MAP2: variants seen among roughly 807,000 people sequenced by gnomAD.
MAP2 encodes microtubule-associated protein 2.
A neutral mutation model predicts 137.6 loss-of-function variants in MAP2; 14 were observed. That is an observed-to-expected ratio of 0.10 (90% CI 0.07 to 0.16). The LOEUF (loss-of-function observed/expected upper bound fraction) is 0.16. MAP2 is among the 10% of genes least tolerant of loss of function. The probability of loss-of-function intolerance (pLI) is 1.00; values close to 1 mark genes in which losing one functional copy is unlikely to be tolerated. For missense variants in MAP2, 2,088 were observed against 2,191.5 expected, an observed-to-expected ratio of 0.95 and a Z score of 0.94; for synonymous variants, 786 against 782.3, an observed-to-expected ratio of 1.00 and a Z score of -0.08.
At chr2:209,438,049 A>G (rs978509109) in intron 1 of MAP2, among the ~76,000 whole-genome samples, 2 of 151,636 alleles carry the variant, frequency 1.3e-5, no homozygotes, top group Admixed American at 1.3e-4. Flanking sequence ...TACAATAGGC[A>G]TGAGACTGTA....
At chr2:209,678,900 T>C (rs890254655) in intron 6 of MAP2, among the ~76,000 whole-genome samples, 2 of 152,090 alleles carry the variant, frequency 1.3e-5, no homozygotes, top group African/African-American at 4.8e-5. Flanking sequence ...GGTGGTGAGC[T>C]TACAGTTAGA....
intron 2 of MAP2, among the ~76,000 whole-genome samples, chr2:209,552,291 C>G (rs1173729956): frequency 6.6e-6 from 1 of 152,066 alleles, no homozygotes; most frequent in Non-Finnish European, 1.5e-5. Flanking sequence ...ACAAAAATGT[C>G]TCACAGGGCA....
chr2:209,723,313 A>T (rs1435697967), intron 13 of MAP2, among the ~76,000 whole-genome samples: 1 of 152,140 alleles, frequency 6.6e-6, no homozygotes, highest in Non-Finnish European at 1.5e-5. Flanking sequence ...ATCACAGATG[A>T]CTCAAGTTTT....
Position 209,693,526 on chromosome 2 carries a change from CAAA to C in MAP2, c.1357_1359del (p.Lys453del), listed in dbSNP as rs1340501713. ...TTGAAGAAAAAACCACCATTTCTGA[CAAA>C]GAAGCTGTGCCAAAAGAGAGTAAAC... On this transcript the variant is annotated inframe_deletion, in exon 8 of 16. Transcript: ENST00000682079. The C allele has an allele frequency of 3.7e-6, 6 of 1,610,314 alleles. No individual in the cohort carries two copies. Among genetic ancestry groups the C allele is most frequent in the South Asian group, 1.1e-5 (1 of 90,140 alleles).
chr2:209,657,057 C>T (rs1275793555), intron 5 of MAP2, among the ~76,000 whole-genome samples: 1 of 152,206 alleles, frequency 6.6e-6, no homozygotes, highest in Admixed American at 6.5e-5. Context: ...AGTTATTTCA[C>T]TTAAGATAAT....
intron 3 of MAP2, among the ~76,000 whole-genome samples, chr2:209,617,598 G>A (rs1197443800): frequency 1.3e-5 from 2 of 152,140 alleles, no homozygotes; most frequent in Non-Finnish European, 2.9e-5. Flanking sequence ...GAGACTCTTT[G>A]CTTCTTTGTG....
rs2076024904 is a variant in MAP2 at position 209,733,418 on chromosome 2, A to C, written c.*3021A>C. On this transcript the variant is annotated 3_prime_UTR_variant, in exon 16 of 16. Coordinates refer to ENST00000682079, the MANE Select transcript of MAP2 (RefSeq NM_001375505.1). Reference sequence around the variant, plus strand: ...ACGGCTGGAGAAGGCTGAAGAGAGAATGCCATTAAATGGAAGAATGTACTG... The same window carrying C: ...ACGGCTGGAGAAGGCTGAAGAGAGACTGCCATTAAATGGAAGAATGTACTG... 6.6e-6 allele frequency: 1 copy of C among 151,662 alleles called. No homozygotes were observed. The highest frequency in any genetic ancestry group is 2.1e-4 in the South Asian group (1 of 4,758). The allele number at this position is 151,662 out of a possible 1,614,324, so 9.4% of individuals were successfully genotyped here. A position where few individuals can be genotyped will look rare whatever the true frequency, so the allele number is the denominator to read the frequency against.
At chr2:209,445,764 A>G (rs1030096480) in intron 1 of MAP2, among the ~76,000 whole-genome samples, 33 of 151,752 alleles carry the variant, frequency 2.2e-4, no homozygotes. Flanking sequence ...AAAATTACTC[A>G]TAATAGCAAT....
At chr2:209,592,461 G>A (rs894306390) in intron 3 of MAP2, among the ~76,000 whole-genome samples, 10 of 151,960 alleles carry the variant, frequency 6.6e-5, no homozygotes, top group South Asian at 2.1e-4. Flanking sequence ...CTTGTGAAAG[G>A]CATTTATTCA....
intron 2 of MAP2, among the ~76,000 whole-genome samples, chr2:209,563,739 C>T (rs929669862): frequency 6.6e-6 from 1 of 152,218 alleles, no homozygotes; most frequent in African/African-American, 2.4e-5. Context: ...GTTTTGGTCT[C>T]AACCAAGATA....
chr2:209,721,148 T>C (rs771106020), intron 13 of MAP2, among the ~76,000 whole-genome samples: 1 of 152,222 alleles, frequency 6.6e-6, no homozygotes, highest in East Asian at 1.9e-4. Flanking sequence ...TCACGCGGAA[T>C]AGGCGAACAT....
chr2:209,511,527 T>G (rs535406672), intron 2 of MAP2, among the ~76,000 whole-genome samples: 3 of 152,310 alleles, frequency 2.0e-5, no homozygotes, highest in Non-Finnish European at 4.4e-5. Context: ...GAAATTAGAT[T>G]AATTCATGCT....
At chr2:209,450,737 G>C (rs985101925) in intron 1 of MAP2, among the ~76,000 whole-genome samples, 1 of 152,054 alleles carries the variant, frequency 6.6e-6, no homozygotes, top group African/African-American at 2.4e-5. Flanking sequence ...AAGGACTGTA[G>C]CTCATTGGAA....
intron 2 of MAP2, among the ~76,000 whole-genome samples, chr2:209,575,083 C>A (rs183337830): frequency 6.6e-6 from 1 of 152,136 alleles, no homozygotes; most frequent in Non-Finnish European, 1.5e-5. Flanking sequence ...CATGATTTAT[C>A]AAACAAACTC....
At chr2:209,611,721 A>G (rs1317755997) in intron 3 of MAP2, among the ~76,000 whole-genome samples, 2 of 152,058 alleles carry the variant, frequency 1.3e-5, no homozygotes, top group African/African-American at 4.8e-5. Context: ...CATGATCATC[A>G]ACAAAGTTAA....
At chr2:209,550,837 A>C (rs1218894382) in intron 2 of MAP2, among the ~76,000 whole-genome samples, 1 of 152,198 alleles carries the variant, frequency 6.6e-6, no homozygotes, top group Non-Finnish European at 1.5e-5. Flanking sequence ...TTAAGTAATT[A>C]AAACTTCTCA....
intron 11 of MAP2, among the ~76,000 whole-genome samples, chr2:209,703,667 G>A (rs1284691522): frequency 2.0e-5 from 3 of 151,962 alleles, no homozygotes; most frequent in African/African-American, 7.2e-5. Flanking sequence ...TCTATATTAA[G>A]GCTTATTGTA....
Position 209,705,601 on chromosome 2 carries a change from G to A in MAP2, c.4606G>A (p.Glu1536Lys). The change falls in exon 12 of 16, where the codon GAA (glutamate) becomes AAA (lysine). Residue 1536 changes from glutamate to lysine, a missense_variant. Coordinates refer to ENST00000682079, the MANE Select transcript of MAP2 (RefSeq NM_001375505.1). ...KVSDGVTKSP[E>K]KRSSLPRPSS... ...TCAGGACGGAGTAACCAAGAGCCCA[G>A]AAAAGCGCTCTTCTCTCCCAAGACC... 6.2e-7 allele frequency: 1 copy of A among 1,611,592 alleles called. No individual in the cohort carries two copies.
chr2:209,425,948 A>G (rs1692441469), intron 1 of MAP2, among the ~76,000 whole-genome samples: 1 of 152,200 alleles, frequency 6.6e-6, no homozygotes. Context: ...CAAATCATGG[A>G]TGTTCCAAAA....
Sources: allele counts gnomAD v4.1 joint callset (sites outside exome capture counted in the v4.1 genomes callset), GRCh38; gene constraint gnomAD v4.1.1; transcripts MANE v1.5; gene names NCBI Gene and HGNC (gene_info 2026-07-23, HGNC 2026-07-21).